RAB3IP: variants seen among roughly 807,000 people sequenced by gnomAD.
The protein encoded by RAB3IP is rab-3A-interacting protein.
RAB3IP carries 36 observed loss-of-function variants against 59.1 expected under a neutral mutation model. That is an observed-to-expected ratio of 0.61 (90% CI 0.47 to 0.80). The LOEUF is 0.80. Ranked by LOEUF, RAB3IP falls within the 30% of genes least tolerant of loss-of-function variation. The probability of loss-of-function intolerance (pLI) is 0.00; values close to 1 mark genes in which losing one functional copy is unlikely to be tolerated. For missense variants in RAB3IP, 511 were observed against 536.0 expected, an observed-to-expected ratio of 0.95 and a Z score of 0.46; for synonymous variants, 207 against 191.2, an observed-to-expected ratio of 1.08 and a Z score of -0.68.
rs1269697382 is a variant in RAB3IP, at chr12:69,822,876, C to T, written c.*7430C>T. The T allele has an allele frequency of 6.6e-6, 1 of 152,186 alleles. No individual in the cohort carries two copies. Among genetic ancestry groups the T allele is most frequent in the Non-Finnish European group, 1.5e-5 (1 of 68,036 alleles). The allele number at this position is 152,186 out of a possible 1,614,324, so 9.4% of individuals were successfully genotyped here. A position where few individuals can be genotyped will look rare whatever the true frequency, so the allele number is the denominator to read the frequency against. ...TTTTCCTATCTCCTCTCGCACCATACTAGGCACACAATCTCTGTACCTGTG... is the reference window on the plus strand; with the variant it reads ...TTTTCCTATCTCCTCTCGCACCATATTAGGCACACAATCTCTGTACCTGTG... On this transcript the variant is annotated 3_prime_UTR_variant, in exon 11 of 11. Coordinates refer to ENST00000247833, the MANE Select transcript of RAB3IP (RefSeq NM_022456.5).
intron 1 of RAB3IP, among the ~76,000 whole-genome samples, chr12:69,754,045 T>C (rs994652735): frequency 6.6e-6 from 1 of 152,174 alleles, no homozygotes; most frequent in Non-Finnish European, 1.5e-5. Context: ...CAAAATACTT[T>C]ACATGGATTG....
intron 6 of RAB3IP, among the ~76,000 whole-genome samples, chr12:69,799,881 A>T (rs899733340): frequency 2.6e-5 from 4 of 152,082 alleles, no homozygotes; most frequent in Non-Finnish European, 2.9e-5. Context: ...TTTGGTGGGG[A>T]TGGGAGAAGG....
At position 69,816,800 on chromosome 12, in the gene RAB3IP, A is replaced by G. The variant is rs1470156635; in HGVS notation, c.*1354A>G. ...GTACAAGAGGGCTGGTTTTCTGAAG[A>G]TAACATTTTTTTCAGTCCTGTTCAG... On this transcript the variant is annotated 3_prime_UTR_variant, in exon 11 of 11. Transcript: ENST00000247833. 6.6e-6 allele frequency: 1 copy of G among 152,222 alleles called. No individual in the cohort carries two copies. Among genetic ancestry groups the G allele is most frequent in the African/African-American group, 2.4e-5 (1 of 41,458 alleles). 9.4% of individuals were successfully genotyped at this position (152,222 alleles called of 1,614,324 possible).
chr12:69,805,730 C>T (rs1333544882), intron 8 of RAB3IP, among the ~76,000 whole-genome samples: 1 of 151,840 alleles, frequency 6.6e-6, no homozygotes, highest in East Asian at 1.9e-4. Context: ...TTGTCAAAGG[C>T]CTTTTCTGCA....
Position 69,821,371 on chromosome 12 carries a change from C to A in RAB3IP, c.*5925C>A, listed in dbSNP as rs1050915099. On this transcript the variant is annotated 3_prime_UTR_variant, in exon 11 of 11. Transcript: ENST00000247833. Reference sequence around the variant, plus strand: ...CGTAAAGACCATAATCAGGAAAATACGCATCATATTTGTTATTCACTGAGA... The same window carrying A: ...CGTAAAGACCATAATCAGGAAAATAAGCATCATATTTGTTATTCACTGAGA... 6.6e-6 allele frequency: 1 copy of A among 152,172 alleles called. No individual in the cohort carries two copies. Among genetic ancestry groups the A allele is most frequent in the African/African-American group, 2.4e-5 (1 of 41,446 alleles). The allele number at this position is 152,172 out of a possible 1,614,324, so 9.4% of individuals were successfully genotyped here. A position where few individuals can be genotyped will look rare whatever the true frequency, so the allele number is the denominator to read the frequency against.
At chr12:69,796,750 C>G (rs918736746) in intron 6 of RAB3IP, 2 of 462,196 alleles carry the variant, frequency 4.3e-6, no homozygotes, top group Non-Finnish European at 7.7e-6. Context: ...AACTTTAATT[C>G]TAATTCTTTG....
At chr12:69,763,549 C>T (rs1019010662) in intron 3 of RAB3IP, among the ~76,000 whole-genome samples, 3 of 152,162 alleles carry the variant, frequency 2.0e-5, no homozygotes, top group African/African-American at 7.2e-5. Context: ...AGTTATGTTT[C>T]ATCTCCTATT....
At position 69,818,462 on chromosome 12, in the gene RAB3IP, AAAG is replaced by A. The variant is rs1881369484; in HGVS notation, c.*3017_*3019del. On this transcript the variant is annotated 3_prime_UTR_variant, in exon 11 of 11. Transcript: ENST00000247833. ...AAGATCATACCTTAAAAAAAAAAAAAAAGTATACCCATGGGTCAGCAATTTCAC... is the reference window on the plus strand; with the variant it reads ...AAGATCATACCTTAAAAAAAAAAAAATATACCCATGGGTCAGCAATTTCAC... 1 of 152,096 alleles carries A rather than the reference AAAG, an allele frequency of 6.6e-6. No homozygotes were observed. Among genetic ancestry groups the A allele is most frequent in the Non-Finnish European group, 1.5e-5 (1 of 68,034 alleles). The allele number at this position is 152,096 out of a possible 1,614,324, so 9.4% of individuals were successfully genotyped here.
intron 1 of RAB3IP, chr12:69,739,799 T>C: frequency 1.9e-6 from 3 of 1,612,254 alleles, no homozygotes; most frequent in Non-Finnish European, 2.5e-6. Flanking sequence ...GCTCCAGAAG[T>C]GATGATGCTG....
chr12:69,771,933 G>A (rs970075220), intron 3 of RAB3IP, among the ~76,000 whole-genome samples: 2 of 152,056 alleles, frequency 1.3e-5, no homozygotes, highest in African/African-American at 4.8e-5. Flanking sequence ...TTGGCCATTT[G>A]TATGTCTTCT....
At chr12:69,786,852 C>G (rs60775508) in intron 4 of RAB3IP, among the ~76,000 whole-genome samples, 205 of 152,254 alleles carry the variant, frequency 1.3e-3, no homozygotes, top group African/African-American at 4.7e-3. Flanking sequence ...GAGTCTCTAA[C>G]CTTTTCTAAC....
chr12:69,801,542 A>T, intron 7 of RAB3IP, 67 bp from the exon 8 acceptor site: 1 of 901,034 alleles, frequency 1.1e-6, no homozygotes, highest in Non-Finnish European at 1.7e-6. Context: ...AAATTCGTTT[A>T]CTGTAGAATA....
chr12:69,788,850 A>G (rs190513037), intron 4 of RAB3IP, among the ~76,000 whole-genome samples: 1 of 152,246 alleles, frequency 6.6e-6, no homozygotes, highest in East Asian at 1.9e-4. Context: ...CATTCTAAGA[A>G]TCTTTTCCAC....
Position 69,822,388 on chromosome 12 carries a change from G to A in RAB3IP, c.*6942G>A, listed in dbSNP as rs1269454536. The A allele has an allele frequency of 6.6e-6, 1 of 151,892 alleles. No homozygotes were observed. The highest frequency in any genetic ancestry group is 2.4e-5 in the African/African-American group (1 of 41,312). The allele number at this position is 151,892 out of a possible 1,614,324, so 9.4% of individuals were successfully genotyped here. ...CACAGAGATCTCTCTGAGTTAAATG[G>A]GATTGTATCATGCCCCACACCCAAG... On this transcript the variant is annotated 3_prime_UTR_variant, in exon 11 of 11. Coordinates refer to ENST00000247833, the MANE Select transcript of RAB3IP (RefSeq NM_022456.5).
intron 8 of RAB3IP, among the ~76,000 whole-genome samples, chr12:69,804,979 G>A (rs1378687987): frequency 2.0e-5 from 3 of 152,186 alleles, no homozygotes; most frequent in African/African-American, 7.2e-5. Context: ...GGCAATGTAG[G>A]CTCTTTTTTG....
rs1187805098 is a variant in RAB3IP, at chr12:69,816,277, A to T, written c.*831A>T. On this transcript the variant is annotated 3_prime_UTR_variant, in exon 11 of 11. Transcript: ENST00000247833. ...CATTCCAAATTGTAAAACTGACTCAACTGGAGAAATTATAACAAAGAGGTT... is the reference window on the plus strand; with the variant it reads ...CATTCCAAATTGTAAAACTGACTCATCTGGAGAAATTATAACAAAGAGGTT... 6.6e-6 allele frequency: 1 copy of T among 152,168 alleles called. No homozygotes were observed. The highest frequency in any genetic ancestry group is 1.9e-4 in the East Asian group (1 of 5,204). 9.4% of individuals were successfully genotyped at this position (152,168 alleles called of 1,614,324 possible). A position where few individuals can be genotyped will look rare whatever the true frequency, so the allele number is the denominator to read the frequency against.
chr12:69,770,019 C>G (rs1872843015), intron 3 of RAB3IP, among the ~76,000 whole-genome samples: 1 of 151,918 alleles, frequency 6.6e-6, no homozygotes, highest in Non-Finnish European at 1.5e-5. Context: ...GATATGACAT[C>G]AAAACAGAAA....
chr12:69,818,154 A>C lies in RAB3IP; in HGVS notation c.*2708A>C, dbSNP rs1423137194. The C allele has an allele frequency of 6.6e-6, 1 of 152,288 alleles. No homozygotes were observed. Among genetic ancestry groups the C allele is most frequent in the Non-Finnish European group, 1.5e-5 (1 of 68,082 alleles). 9.4% of individuals were successfully genotyped at this position (152,288 alleles called of 1,614,324 possible). On this transcript the variant is annotated 3_prime_UTR_variant, in exon 11 of 11. Coordinates refer to ENST00000247833, the MANE Select transcript of RAB3IP (RefSeq NM_022456.5). ...ATTGGTATATCCACTGTGAAAAACCATTCACTAGAAAAGTTGGGCCAGGCC... is the reference window on the plus strand; with the variant it reads ...ATTGGTATATCCACTGTGAAAAACCCTTCACTAGAAAAGTTGGGCCAGGCC...
At chr12:69,795,885 G>A (rs1877361362) in intron 6 of RAB3IP, 1 of 154,276 alleles carries the variant, frequency 6.5e-6, no homozygotes, top group Admixed American at 6.5e-5. Context: ...AGTTATAGTA[G>A]AACAATTAGT....
Sources: allele counts gnomAD v4.1 joint callset (sites outside exome capture counted in the v4.1 genomes callset), GRCh38; gene constraint gnomAD v4.1.1; transcripts MANE v1.5; gene names NCBI Gene and HGNC (gene_info 2026-07-23, HGNC 2026-07-21).